BTBD8: variants seen among roughly 807,000 people sequenced by gnomAD.
BTBD8 encodes the protein BTB/POZ domain-containing protein 8.
BTBD8 carries 110 observed loss-of-function variants against 162.9 expected under a neutral mutation model. The ratio of observed to expected loss-of-function variants is 0.68; its 90% CI spans 0.58 to 0.79. The LOEUF is 0.79. BTBD8 is among the 30% of genes least tolerant of loss of function. BTBD8 has a pLI of 0.00. For synonymous variants in BTBD8, 667 were observed against 716.1 expected, an observed-to-expected ratio of 0.93 and a Z score of 1.10; for missense variants, 1,905 against 2,085.4, an observed-to-expected ratio of 0.91 and a Z score of 1.68.
intron 2 of BTBD8, among the ~76,000 whole-genome samples, chr1:92,095,044 GA>G (rs1171665448): frequency 6.6e-6 from 1 of 152,126 alleles, no homozygotes; most frequent in Non-Finnish European, 1.5e-5. Context: ...GGGGTTGGGG[GA>G]AAAGACTGCC....
intron 15 of BTBD8, 83 bp downstream of exon 15, chr1:92,177,981 T>A (rs1650770817): frequency 3.1e-6 from 2 of 649,748 alleles, no homozygotes; most frequent in Non-Finnish European, 5.2e-6. Flanking sequence ...TAAATATTTT[T>A]AAAATATCTT....
intron 4 of BTBD8, among the ~76,000 whole-genome samples, chr1:92,123,937 A>G (rs965376114): frequency 6.6e-6 from 1 of 151,678 alleles, no homozygotes; most frequent in Non-Finnish European, 1.5e-5. Context: ...ACTGGCTTTC[A>G]AGTCTAATAA....
At chr1:92,164,815 C>T (rs1418361178) in intron 9 of BTBD8, among the ~76,000 whole-genome samples, 3 of 151,702 alleles carry the variant, frequency 2.0e-5, no homozygotes, top group Non-Finnish European at 4.4e-5. Flanking sequence ...GTGCCCGCCA[C>T]CACGCCCAGC....
intron 1 of BTBD8, among the ~76,000 whole-genome samples, chr1:92,087,151 A>C (rs1267991908): frequency 6.6e-6 from 1 of 152,226 alleles, no homozygotes; most frequent in Non-Finnish European, 1.5e-5. Context: ...TCTATCAAAT[A>C]AAAAACACTG....
In BTBD8 at chr1:92,104,292, G is replaced by T. The variant is rs1167131867; in HGVS notation, c.544+1623G>T. Among the ~76,000 whole-genome samples, 3 of 152,190 alleles carry T rather than the reference G, an allele frequency of 2.0e-5. No individual in the cohort carries two copies. The South Asian group carries it at 6.2e-4, about 32-fold the overall frequency. On this transcript the variant is annotated intron_variant, in intron 3 of 17. Coordinates refer to ENST00000636805, the MANE Select transcript of BTBD8 (RefSeq NM_001376131.1). ...TTACTCATCTGATTTATCCTGGTTAGATTCCTGTTATATTACAGTCAACAT... is the reference window on the plus strand; with the variant it reads ...TTACTCATCTGATTTATCCTGGTTATATTCCTGTTATATTACAGTCAACAT...
At chr1:92,091,685 T>C (rs1428566046) in intron 2 of BTBD8, among the ~76,000 whole-genome samples, 5 of 152,158 alleles carry the variant, frequency 3.3e-5, no homozygotes, top group Non-Finnish European at 7.4e-5. Context: ...TGGGCTCAAG[T>C]GAGTCTCCCG....
chr1:92,165,711 G>C lies in BTBD8; in HGVS notation c.1123-1247G>C, dbSNP rs868521049. ...CTGTGGCGGCTGCATTCAGCTGGGG[G>C]CTGAGCTGGGGGGCTGGTCTTCCCT... On this transcript the variant is annotated intron_variant, in intron 9 of 17. Coordinates refer to ENST00000636805, the MANE Select transcript of BTBD8 (RefSeq NM_001376131.1). Among the ~76,000 whole-genome samples the C allele has an allele frequency of 5.3e-5, 8 of 152,242 alleles. No homozygotes were observed. In the South Asian group the frequency reaches 1.5e-3, roughly 28 times the overall value.
At chr1:92,096,322 C>T (rs1648449855) in intron 2 of BTBD8, among the ~76,000 whole-genome samples, 1 of 152,144 alleles carries the variant, frequency 6.6e-6, no homozygotes, top group South Asian at 2.1e-4. Flanking sequence ...CCTTACTCAG[C>T]TTAAATGCCT....
chr1:92,130,614 A>G (rs1027381022), intron 5 of BTBD8, among the ~76,000 whole-genome samples: 1 of 151,982 alleles, frequency 6.6e-6, no homozygotes, highest in Non-Finnish European at 1.5e-5. Flanking sequence ...TATTTTATAT[A>G]ACTTAAAGTA....
At chr1:92,115,154 C>T (rs763568995) in intron 4 of BTBD8, 9 of 521,854 alleles carry the variant, frequency 1.7e-5, no homozygotes, top group Non-Finnish European at 2.7e-5. Context: ...TGACCTTGCC[C>T]ACAGCCTTGG....
intron 9 of BTBD8, among the ~76,000 whole-genome samples, chr1:92,156,723 C>T (rs1050712216): frequency 6.6e-6 from 1 of 152,110 alleles, no homozygotes; most frequent in Admixed American, 6.5e-5. Flanking sequence ...TGTTTATTGG[C>T]TTGTAATTGT....
At chr1:92,088,612 G>A in intron 1 of BTBD8, 86 bp from the exon 2 acceptor site, 2 of 1,042,472 alleles carry the variant, frequency 1.9e-6, no homozygotes, top group East Asian at 2.7e-5. Flanking sequence ...TTTAGCTTAT[G>A]TGTTATTTTA....
chr1:92,119,685 G>A lies in BTBD8; in HGVS notation c.663-10002G>A, dbSNP rs542362951. On this transcript the variant is annotated intron_variant, in intron 4 of 17. Transcript: ENST00000636805. ...TCTGTTGCCCAGGCTGGAGTGCAGT[G>A]GCGCGATCTCGGCTCACTGCAAGCT... Among the ~76,000 whole-genome samples, 5 of 149,100 alleles carry A rather than the reference G, an allele frequency of 3.4e-5. No individual in the cohort carries two copies. In the East Asian group the frequency reaches 7.9e-4, roughly 23 times the overall value.
intron 2 of BTBD8, among the ~76,000 whole-genome samples, chr1:92,097,401 A>C (rs938237124): frequency 6.6e-6 from 1 of 152,050 alleles, no homozygotes; most frequent in African/African-American, 2.4e-5. Context: ...TATAATTTTC[A>C]CATACTATAA....
intron 3 of BTBD8, among the ~76,000 whole-genome samples, chr1:92,106,905 C>T (rs946894958): frequency 5.3e-5 from 8 of 151,688 alleles, no homozygotes; most frequent in Non-Finnish European, 7.4e-5. Context: ...AGGAGACCCC[C>T]GTCTATATAA....
chr1:92,122,773 C>T (rs772419699), intron 4 of BTBD8, among the ~76,000 whole-genome samples: 11 of 151,970 alleles, frequency 7.2e-5, no homozygotes, highest in Non-Finnish European at 1.6e-4. Context: ...CCATGTTGGC[C>T]AGGCTGGTCT....
chr1:92,112,692 A>G (rs1482411112), intron 4 of BTBD8, among the ~76,000 whole-genome samples: 2 of 152,214 alleles, frequency 1.3e-5, no homozygotes, highest in African/African-American at 4.8e-5. Flanking sequence ...TATGAAAGCT[A>G]TAGTCAATGG....
intron 6 of BTBD8, among the ~76,000 whole-genome samples, chr1:92,140,260 G>GA (rs146003632): frequency 0.73 from 109,742 of 149,918 alleles, 41,137 homozygotes; most frequent in East Asian, 0.97. Context: ...GTTCTTGGGG[G>GA]AAAAAAAAAC....
At chr1:92,109,102 A>G (rs923583047) in intron 4 of BTBD8, among the ~76,000 whole-genome samples, 1 of 152,206 alleles carries the variant, frequency 6.6e-6, no homozygotes, top group Non-Finnish European at 1.5e-5. Context: ...GTAAATATAC[A>G]TATACGTATT....
Sources: allele counts gnomAD v4.1 joint callset (sites outside exome capture counted in the v4.1 genomes callset), GRCh38; gene constraint gnomAD v4.1.1; transcripts MANE v1.5; gene names NCBI Gene and HGNC (gene_info 2026-07-23, HGNC 2026-07-21).